BEND4: variants seen among roughly 807,000 people sequenced by gnomAD.
The protein encoded by BEND4 is BEN domain-containing protein 4.
A neutral mutation model predicts 54.7 loss-of-function variants in BEND4; 27 were observed. The observed-to-expected ratio is 0.49, with a 90% confidence interval of 0.36 to 0.68. BEND4 has a LOEUF of 0.68. BEND4 is among the 30% of genes least tolerant of loss of function. The pLI, the probability that BEND4 is intolerant of heterozygous loss-of-function variation, is 0.00. For missense variants in BEND4, 702 were observed against 697.2 expected, an observed-to-expected ratio of 1.01 and a Z score of -0.08; for synonymous variants, 327 against 299.5, an observed-to-expected ratio of 1.09 and a Z score of -0.95.
chr4:42,149,355 T>C (rs922681089), intron 2 of BEND4, among the ~76,000 whole-genome samples: 2 of 152,228 alleles, frequency 1.3e-5, no homozygotes, highest in Non-Finnish European at 2.9e-5. Flanking sequence ...GATGGCTTTG[T>C]CCATCAGTGA....
intron 3 of BEND4, among the ~76,000 whole-genome samples, chr4:42,132,320 G>A (rs1720536060): frequency 6.6e-6 from 1 of 152,238 alleles, no homozygotes. Context: ...CCCAAGGGAA[G>A]AGAGAGTGAG....
At chr4:42,147,416 T>C (rs977734443) in intron 2 of BEND4, among the ~76,000 whole-genome samples, 5 of 152,106 alleles carry the variant, frequency 3.3e-5, no homozygotes, top group Non-Finnish European at 5.9e-5. Context: ...CAAACACAAT[T>C]GAATGGCTAC....
chr4:42,125,791 T>C, intron 3 of BEND4, 117 bp from the exon 4 acceptor site: 1 of 626,558 alleles, frequency 1.6e-6, no homozygotes, highest in Non-Finnish European at 2.7e-6. Context: ...CATACTGGAG[T>C]GCAGTGTGGT....
chr4:42,125,532 A>G (rs1720239667), intron 4 of BEND4, 51 bp downstream of exon 4: 2 of 1,381,778 alleles, frequency 1.4e-6, no homozygotes, highest in Non-Finnish European at 2.1e-6. Context: ...GTTAATCAAG[A>G]TACTTAAGAG....
At chr4:42,145,119 T>C (rs900209475) in intron 2 of BEND4, among the ~76,000 whole-genome samples, 5 of 152,234 alleles carry the variant, frequency 3.3e-5, no homozygotes, top group African/African-American at 9.6e-5. Context: ...TCTGAAAATG[T>C]TGACTAGCTG....
rs1316836398 is a variant in BEND4, at chr4:42,113,978, T to C, written c.*3540A>G. The C allele has an allele frequency of 6.6e-6, 1 of 152,212 alleles. No individual in the cohort carries two copies. Among genetic ancestry groups the C allele is most frequent in the African/African-American group, 2.4e-5 (1 of 41,450 alleles). 9.4% of individuals were successfully genotyped at this position (152,212 alleles called of 1,614,324 possible). A position where few individuals can be genotyped will look rare whatever the true frequency, so the allele number is the denominator to read the frequency against. ...AAAACCAAAAAAGTGATGCGCGGGT[T>C]CAAGGGCTAGAGGAAATATTTACAA... On this transcript the variant is annotated 3_prime_UTR_variant, in exon 6 of 6. Transcript: ENST00000502486.
chr4:42,144,674 T>C (rs150692043), intron 2 of BEND4, among the ~76,000 whole-genome samples: 13 of 152,192 alleles, frequency 8.5e-5, no homozygotes, highest in Non-Finnish European at 1.6e-4. Flanking sequence ...CGTGTATCAT[T>C]TGAAAATCAG....
chr4:42,141,713 C>T (rs1720888654), intron 3 of BEND4, among the ~76,000 whole-genome samples: 1 of 152,130 alleles, frequency 6.6e-6, no homozygotes, highest in Non-Finnish European at 1.5e-5. Flanking sequence ...TGCACACCAG[C>T]CTGGGCAGCA....
At chr4:42,132,160 T>C (rs1169422593) in intron 3 of BEND4, among the ~76,000 whole-genome samples, 1 of 152,244 alleles carries the variant, frequency 6.6e-6, no homozygotes, top group Non-Finnish European at 1.5e-5. Context: ...GAAAACCTCC[T>C]GTCCTCGTGT....
Position 42,125,605 on chromosome 4 carries a change from T to A in BEND4, c.1124A>T (p.Gln375Leu). The A allele has an allele frequency of 6.2e-7, 1 of 1,613,908 alleles. No homozygotes were observed. The highest frequency in any genetic ancestry group is 8.5e-7 in the Non-Finnish European group (1 of 1,179,792). ...LQHHNQLLIP[Q>L]PADQPTEGSK... ...TACCTCTGTCGGCTGGTCAGCTGGC[T>A]GTGGTATCAGGAGTTGGTTGTGGTG... The change falls in exon 4 of 6, where the codon CAG (glutamine) becomes CTG (leucine). Residue 375 changes from glutamine to leucine, a missense_variant. Coordinates refer to ENST00000502486, the MANE Select transcript of BEND4 (RefSeq NM_207406.4).
At chr4:42,146,331 T>C (rs1455737123) in intron 2 of BEND4, among the ~76,000 whole-genome samples, 1 of 152,210 alleles carries the variant, frequency 6.6e-6, no homozygotes, top group African/African-American at 2.4e-5. Flanking sequence ...CATGGGTTGG[T>C]TGTAAATTCC....
intron 3 of BEND4, among the ~76,000 whole-genome samples, chr4:42,141,262 C>A (rs867395592): frequency 4.6e-5 from 7 of 152,328 alleles, no homozygotes; most frequent in Middle Eastern, 3.4e-3. Context: ...TAATCTAATT[C>A]CAAAATGTTC....
intron 4 of BEND4, among the ~76,000 whole-genome samples, chr4:42,124,453 G>GAA (rs1720195425): frequency 6.6e-6 from 1 of 152,170 alleles, no homozygotes; most frequent in Non-Finnish European, 1.5e-5. Flanking sequence ...ACAGTAGATG[G>GAA]AAAAACTCAT....
At chr4:42,123,694 G>GGAAAAA (rs1553921967) in intron 4 of BEND4, among the ~76,000 whole-genome samples, 2 of 50,808 alleles carry the variant, frequency 3.9e-5, no homozygotes, top group African/African-American at 1.5e-4. Context: ...CTGTAATTCA[G>GGAAAAA]AAAAAAAAAA....
At chr4:42,126,654 T>G (rs1720298536) in intron 3 of BEND4, among the ~76,000 whole-genome samples, 1 of 152,222 alleles carries the variant, frequency 6.6e-6, no homozygotes, top group Admixed American at 6.5e-5. Flanking sequence ...ACATAAATAA[T>G]GCCTACATCT....
At chr4:42,139,265 T>C (rs1720801911) in intron 3 of BEND4, among the ~76,000 whole-genome samples, 1 of 152,226 alleles carries the variant, frequency 6.6e-6, no homozygotes, top group African/African-American at 2.4e-5. Context: ...GCTAATGCTA[T>C]TTCATTGGGA....
intron 4 of BEND4, among the ~76,000 whole-genome samples, chr4:42,124,115 G>T (rs1457655209): frequency 2.0e-5 from 3 of 152,318 alleles, no homozygotes; most frequent in Middle Eastern, 3.4e-3. Flanking sequence ...AACACTTTGG[G>T]AGGCTGAGGC....
At position 42,111,915 on chromosome 4, in the gene BEND4, A is replaced by C. The variant is rs1414026114; in HGVS notation, c.*5603T>G. ...TCGTGATTTTAATTTTAATTTACCT[A>C]CTTTTAAAAAAAGTTTTCTGGTCTT... On this transcript the variant is annotated 3_prime_UTR_variant, in exon 6 of 6. Coordinates refer to ENST00000502486, the MANE Select transcript of BEND4 (RefSeq NM_207406.4). 1 of 152,204 alleles carries C rather than the reference A, an allele frequency of 6.6e-6. No individual in the cohort carries two copies. The highest frequency in any genetic ancestry group is 1.5e-5 in the Non-Finnish European group (1 of 68,030). The allele number at this position is 152,204 out of a possible 1,614,324, so 9.4% of individuals were successfully genotyped here.
At chr4:42,149,505 T>G (rs1267270469) in intron 2 of BEND4, among the ~76,000 whole-genome samples, 3 of 152,198 alleles carry the variant, frequency 2.0e-5, no homozygotes, top group Non-Finnish European at 4.4e-5. Flanking sequence ...CTTGGTGCTA[T>G]CAAGCTTACC....
Sources: gnomAD v4.1 joint callset for allele counts (sites outside exome capture counted in the v4.1 genomes callset) on GRCh38, gnomAD v4.1.1 for gene constraint, MANE v1.5 for transcripts, NCBI Gene and HGNC (gene_info 2026-07-23, HGNC 2026-07-21) for gene names.